The following CREB5 variants were observed in gnomAD, a reference collection of about 807,000 sequenced individuals.
CREB5 encodes the protein cyclic AMP-responsive element-binding protein 5.
In CREB5, 19 loss-of-function variants were observed where a neutral mutation model predicts 57.1. That is an observed-to-expected ratio of 0.33 (90% CI 0.23 to 0.49). The LOEUF is 0.49. Ranked by LOEUF, CREB5 falls within the 20% of genes least tolerant of loss-of-function variation. The pLI is 0.99. For missense variants in CREB5, 579 were observed against 671.6 expected (o/e 0.86, Z 1.52); for synonymous variants, 238 against 238.3 (o/e 1.00, Z 0.01).
At chr7:28,643,240 G>A (rs1042314247) in intron 5 of CREB5, among the ~76,000 whole-genome samples, 1 of 152,140 alleles carries the variant, frequency 6.6e-6, no homozygotes, top group Non-Finnish European at 1.5e-5. Flanking sequence ...TCTGCCCCTG[G>A]AACCAGCCTT....
At chr7:28,581,000 T>C (rs1031242693) in intron 5 of CREB5, among the ~76,000 whole-genome samples, 1 of 152,112 alleles carries the variant, frequency 6.6e-6, no homozygotes, top group African/African-American at 2.4e-5. Flanking sequence ...AGTCTGGAGA[T>C]GAAAGTTAAT....
At chr7:28,321,341 T>A (rs1447023296) in intron 1 of CREB5, among the ~76,000 whole-genome samples, 1 of 152,144 alleles carries the variant, frequency 6.6e-6, no homozygotes, top group Non-Finnish European at 1.5e-5. Flanking sequence ...CAGGGCTGGC[T>A]ATATAATTTG....
At position 28,818,130 on chromosome 7, in the gene CREB5, T is replaced by C; in HGVS notation, c.1314T>C (p.His438=). ...VAQLKQLLLT[H]KDCPITAMQK... ...AGCTGAAACAGTTGTTGTTAACACA[T>C]AAAGACTGCCCAATAACAGCCATGC... The change falls in exon 10 of 11, where the codon CAT becomes CAC. Residue 438 remains histidine (H), a synonymous_variant. Transcript: ENST00000357727. 6.2e-7 allele frequency: 1 copy of C among 1,613,730 alleles called. No individual in the cohort carries two copies. Among genetic ancestry groups the C allele is most frequent in the Non-Finnish European group, 8.5e-7 (1 of 1,179,786 alleles).
At chr7:28,751,442 G>C (rs1285903181) in intron 7 of CREB5, among the ~76,000 whole-genome samples, 1 of 152,154 alleles carries the variant, frequency 6.6e-6, no homozygotes, top group Non-Finnish European at 1.5e-5. Flanking sequence ...GGTTAAATTC[G>C]CCATTTCAGA....
chr7:28,751,667 T>C (rs1401700659), intron 7 of CREB5, among the ~76,000 whole-genome samples: 3 of 152,248 alleles, frequency 2.0e-5, no homozygotes, highest in African/African-American at 7.2e-5. Context: ...AGAGTTCCGA[T>C]ACACACCAAG....
chr7:28,610,888 CGTGTGT>C (rs368613839), intron 5 of CREB5, among the ~76,000 whole-genome samples: 1 of 147,674 alleles, frequency 6.8e-6, no homozygotes, highest in African/African-American at 2.5e-5. Flanking sequence ...CGTGTGTGTG[CGTGTGT>C]GTGTGTGTGT....
At chr7:28,806,543 C>A (rs139390740) in intron 8 of CREB5, among the ~76,000 whole-genome samples, 2 of 152,200 alleles carry the variant, frequency 1.3e-5, no homozygotes, top group African/African-American at 4.8e-5. Flanking sequence ...AGCATCTATG[C>A]CAAGAGAATT....
chr7:28,427,043 C>G (rs1315831232), intron 1 of CREB5, among the ~76,000 whole-genome samples: 1 of 152,174 alleles, frequency 6.6e-6, no homozygotes, highest in African/African-American at 2.4e-5. Context: ...GTCCCCTTCT[C>G]TCAGTATCAC....
chr7:28,312,512 G>A (rs192705997), intron 1 of CREB5, among the ~76,000 whole-genome samples: 3 of 152,170 alleles, frequency 2.0e-5, no homozygotes, highest in Admixed American at 2.0e-4. Context: ...TGTACAAAGG[G>A]GGAGGGAAGC....
intron 1 of CREB5, among the ~76,000 whole-genome samples, chr7:28,381,719 C>G (rs879894429): frequency 6.6e-6 from 1 of 152,054 alleles, no homozygotes; most frequent in African/African-American, 2.4e-5. Flanking sequence ...TTTTTCTTAA[C>G]CCAGCTGAGA....
At position 28,810,228 on chromosome 7, in the gene CREB5, GA is replaced by G. The variant is rs970396652; in HGVS notation, c.1254+825del. Among the ~76,000 whole-genome samples the G allele has an allele frequency of 1.5e-3, 209 of 139,718 alleles. 1 individual carries two copies. The highest frequency in any genetic ancestry group is 4.7e-3 in the East Asian group (23 of 4,894). 91.7% of individuals were successfully genotyped at this position (139,718 alleles called of 152,430 possible). On this transcript the variant is annotated intron_variant, in intron 9 of 10. Transcript: ENST00000357727. Reference sequence around the variant, plus strand: ...AAAATATGTGCACTATTTATCAGCAGAAAAAAAAAAAGGCAAGTAAATAGAC... The same window carrying G: ...AAAATATGTGCACTATTTATCAGCAGAAAAAAAAAAGGCAAGTAAATAGAC...
chr7:28,639,425 G>A (rs1798560460), intron 5 of CREB5, among the ~76,000 whole-genome samples: 1 of 152,130 alleles, frequency 6.6e-6, no homozygotes, highest in Admixed American at 6.5e-5. Flanking sequence ...CAGGAATATG[G>A]ATTTTTGTTG....
chr7:28,612,543 G>GGGGT (rs201666363), intron 5 of CREB5, among the ~76,000 whole-genome samples: 17 of 137,296 alleles, frequency 1.2e-4, no homozygotes, highest in Non-Finnish European at 1.7e-4. Flanking sequence ...TTAGAGAAGG[G>GGGGT]GTGTGTGTGT....
At chr7:28,406,154 G>T (rs1787575095) in intron 1 of CREB5, among the ~76,000 whole-genome samples, 1 of 152,196 alleles carries the variant, frequency 6.6e-6, no homozygotes, top group Non-Finnish European at 1.5e-5. Flanking sequence ...CAGAGCTAAA[G>T]AATTTCTTCC....
intron 1 of CREB5, among the ~76,000 whole-genome samples, chr7:28,441,800 C>G (rs369108544): frequency 1.6e-4 from 24 of 152,070 alleles, no homozygotes; most frequent in African/African-American, 5.8e-4. Context: ...ATAAGTCAAG[C>G]TCTTTATGGT....
intron 7 of CREB5, among the ~76,000 whole-genome samples, chr7:28,790,428 A>AGAGAGAGAGAGAGAGAG (rs1807597257): frequency 8.6e-6 from 1 of 115,696 alleles, no homozygotes; most frequent in Non-Finnish European, 1.8e-5. Context: ...GAAAGAAAGA[A>AGAGAGAGAGAGAGAGAG]AGAGAGAGAG....
chr7:28,398,480 T>A (rs1779149750), intron 1 of CREB5, among the ~76,000 whole-genome samples: 1 of 152,162 alleles, frequency 6.6e-6, no homozygotes, highest in Non-Finnish European at 1.5e-5. Context: ...TATGAACCTT[T>A]GCTATCCCAT....
intron 6 of CREB5, among the ~76,000 whole-genome samples, chr7:28,723,850 C>A (rs567291053): frequency 6.6e-5 from 10 of 152,162 alleles, no homozygotes; most frequent in African/African-American, 2.4e-4. Context: ...TGAAATAGAT[C>A]GTTTAGTTTT....
rs1786954533 is a variant in CREB5 at position 28,380,926 on chromosome 7, G to T, written c.-25+81485G>T. ...CAGCAATAGTAAGGGGTGGTTATTT[G>T]ATAAGCCTCCCATGTACCCTCCATG... On this transcript the variant is annotated intron_variant, in intron 1 of 9. Transcript: ENST00000396299. Among the ~76,000 whole-genome samples, 5 of 152,262 alleles carry T rather than the reference G, an allele frequency of 3.3e-5. No homozygotes were observed. The South Asian group carries it at 1.0e-3, about 32-fold the overall frequency.
Sources: gnomAD v4.1 joint callset for allele counts (sites outside exome capture counted in the v4.1 genomes callset) on GRCh38, gnomAD v4.1.1 for gene constraint, MANE v1.5 for transcripts, NCBI Gene and HGNC (gene_info 2026-07-23, HGNC 2026-07-21) for gene names.